Variants in SHCBP1L observed in about 807,000 individuals in gnomAD.
SHCBP1L encodes the protein testicular spindle-associated protein SHCBP1L.
In SHCBP1L, 67 loss-of-function variants were observed where a neutral mutation model predicts 62.5. The ratio of observed to expected loss-of-function variants is 1.07; its 90% CI spans 0.88 to 1.31. The LOEUF (loss-of-function observed/expected upper bound fraction) is 1.31, where lower values mean the gene tolerates loss of function less well. Ranked by LOEUF, SHCBP1L falls within the 40% of genes most tolerant of loss-of-function variation. SHCBP1L has a pLI of 0.00. For missense variants in SHCBP1L, 823 were observed against 809.8 expected (o/e 1.02, Z -0.20); for synonymous variants, 284 against 289.4 (o/e 0.98, Z 0.19).
At chr1:182,914,459 G>A (rs189901905) in intron 6 of SHCBP1L, among the ~76,000 whole-genome samples, 26 of 152,144 alleles carry the variant, frequency 1.7e-4, no homozygotes, top group African/African-American at 5.8e-4. Flanking sequence ...ATGCTAATGG[G>A]GAAACAATGT....
intron 1 of SHCBP1L, 98 bp downstream of exon 1, chr1:182,952,631 C>G: frequency 7.2e-7 from 1 of 1,394,312 alleles, no homozygotes; most frequent in Admixed American, 2.6e-5. Context: ...TCGTTGTGCC[C>G]TGTGGATCCC....
chr1:182,904,160 C>T lies in SHCBP1L; in HGVS notation c.1587+20G>A, dbSNP rs201291010. On this transcript the variant is annotated intron_variant, in intron 8 of 9. Transcript: ENST00000367547. The stretch of plus-strand genomic sequence containing the variant: ...TCATCTATAGTCATATAAGGCCATA[C>T]TTTTTAAAGAATGAAATACCTGGGC... 1.0e-4 allele frequency: 166 copies of T among 1,612,030 alleles called. No individual in the cohort carries two copies. In the Middle Eastern group the frequency reaches 1.8e-3, roughly 18 times the overall value.
chr1:182,923,720 C>T (rs75352431), intron 6 of SHCBP1L, among the ~76,000 whole-genome samples: 1 of 152,082 alleles, frequency 6.6e-6, no homozygotes, highest in Non-Finnish European at 1.5e-5. Context: ...ACAAGCTAGG[C>T]ACTTAAGGAA....
intron 6 of SHCBP1L, among the ~76,000 whole-genome samples, chr1:182,915,094 G>C (rs140490076): frequency 6.9e-6 from 1 of 144,196 alleles, no homozygotes; most frequent in Non-Finnish European, 1.5e-5. Context: ...CCTGGGAGGC[G>C]GAAGTTGCAG....
intron 6 of SHCBP1L, among the ~76,000 whole-genome samples, chr1:182,910,540 A>T (rs1432770906): frequency 1.3e-5 from 2 of 152,178 alleles, no homozygotes; most frequent in Non-Finnish European, 2.9e-5. Flanking sequence ...TGCCTAGCGC[A>T]AAGAACACAG....
Position 182,952,745 on chromosome 1 carries a change from A to C in SHCBP1L, c.389T>G (p.Val130Gly), listed in dbSNP as rs1370724836. 1 of 1,610,200 alleles carries C rather than the reference A, an allele frequency of 6.2e-7. No homozygotes were observed. Among genetic ancestry groups the C allele is most frequent in the Non-Finnish European group, 8.5e-7 (1 of 1,178,542 alleles). ...DEKVSLYCDEVLQDCKAEDAD... is the reference protein window; with the variant it reads ...DEKVSLYCDEGLQDCKAEDAD... ...TCCGCTCACCTTACAGTCCTGCAGC[A>C]CTTCGTCGCAATACAGCGACACCTT... The change falls in exon 1 of 10, where the codon GTG (valine) becomes GGG (glycine). Residue 130 changes from valine (V) to glycine (G), a missense_variant. Transcript: ENST00000367547.
Position 182,929,682 on chromosome 1 carries a change from T to TTA in SHCBP1L, c.1145_1146dup (p.Thr383Ter). The TTA allele has an allele frequency of 6.3e-7, 1 of 1,590,926 alleles. No homozygotes were observed. The highest frequency in any genetic ancestry group is 8.5e-7 in the Non-Finnish European group (1 of 1,173,880). ...GTCATCATTTTTGCTACAATATGTG[T>TTA]TATAGTCTTTCCAAATTCTCTTTTT... On this transcript the variant is annotated frameshift_variant, in exon 6 of 10. Transcript: ENST00000367547. LOFTEE classifies it high-confidence loss of function.
chr1:182,900,667 G>A (rs181489303), intron 9 of SHCBP1L, among the ~76,000 whole-genome samples: 447 of 152,196 alleles, frequency 2.9e-3, no homozygotes, highest in South Asian at 6.9e-3. Context: ...TCCTGACCTC[G>A]TGATCCACCC....
intron 2 of SHCBP1L, among the ~76,000 whole-genome samples, chr1:182,943,893 GTGGATCACCTGA>G (rs1470426445): frequency 9.2e-5 from 14 of 151,806 alleles, no homozygotes; most frequent in Admixed American, 8.5e-4. Flanking sequence ...GCCGAGGCGG[GTGGATCACCTGA>G]TGTCAGGAGT....
At chr1:182,952,596 A>G in intron 1 of SHCBP1L, 133 bp downstream of exon 1, 5 of 1,052,862 alleles carry the variant, frequency 4.7e-6, no homozygotes, top group Non-Finnish European at 6.7e-6. Flanking sequence ...TGTTGACTCC[A>G]TTTACTTTTT....
At chr1:182,927,102 A>G (rs1455045208) in intron 6 of SHCBP1L, among the ~76,000 whole-genome samples, 13 of 52,284 alleles carry the variant, frequency 2.5e-4, no homozygotes, top group Non-Finnish European at 3.8e-4. Context: ...ATATATATAT[A>G]TATATATATA....
At chr1:182,931,745 C>T (rs1651002524) in intron 5 of SHCBP1L, among the ~76,000 whole-genome samples, 1 of 152,180 alleles carries the variant, frequency 6.6e-6, no homozygotes, top group Non-Finnish European at 1.5e-5. Context: ...TCGTTACAAC[C>T]GATGAACCTA....
chr1:182,916,761 CAAAGA>C (rs1192230887), intron 6 of SHCBP1L, among the ~76,000 whole-genome samples: 1 of 152,076 alleles, frequency 6.6e-6, no homozygotes, highest in Non-Finnish European at 1.5e-5. Flanking sequence ...AATCTCCCAA[CAAAGA>C]AAAGTCCAAG....
intron 6 of SHCBP1L, among the ~76,000 whole-genome samples, chr1:182,928,063 A>C (rs1650840233): frequency 6.6e-6 from 1 of 152,222 alleles, no homozygotes; most frequent in Non-Finnish European, 1.5e-5. Context: ...AATAATCAAC[A>C]TGATTGAATA....
At chr1:182,942,302 G>C in intron 2 of SHCBP1L, 1 of 938,128 alleles carries the variant, frequency 1.1e-6, no homozygotes, top group Non-Finnish European at 1.8e-6. Context: ...TTTCGGCTTC[G>C]CTTCCACTGT....
In SHCBP1L at chr1:182,904,234, A is replaced by C; in HGVS notation, c.1533T>G (p.Cys511Trp). ...CILKCEGTGVCVLTGAALTIT... is the reference protein window; with the variant it reads ...CILKCEGTGVWVLTGAALTIT... ...TTGTCAAAGCAGCCCCTGTAAGAACACACACTCCTGTTCCTTCACATTTTA... is the reference window on the plus strand; with the variant it reads ...TTGTCAAAGCAGCCCCTGTAAGAACCCACACTCCTGTTCCTTCACATTTTA... The change falls in exon 8 of 10, where the codon TGT (cysteine) becomes TGG (tryptophan). Residue 511 changes from cysteine (C) to tryptophan (W), a missense_variant. Physicochemically the swap from Cys to Trp is radical, Grantham distance 215. Coordinates refer to ENST00000367547, the MANE Select transcript of SHCBP1L (RefSeq NM_030933.4). The C allele has an allele frequency of 1.9e-6, 3 of 1,614,168 alleles. No individual in the cohort carries two copies. The highest frequency in any genetic ancestry group is 2.5e-6 in the Non-Finnish European group (3 of 1,180,010).
chr1:182,938,681 C>A (rs1651256730), intron 5 of SHCBP1L, among the ~76,000 whole-genome samples: 1 of 151,998 alleles, frequency 6.6e-6, no homozygotes, highest in South Asian at 2.1e-4. Flanking sequence ...ATATGCTGCC[C>A]AAGGCTGGTC....
At chr1:182,902,132 G>A (rs1649862852) in intron 9 of SHCBP1L, among the ~76,000 whole-genome samples, 1 of 141,320 alleles carries the variant, frequency 7.1e-6, no homozygotes, top group Non-Finnish European at 1.5e-5. Flanking sequence ...GCACTGCAAC[G>A]TCCACCTCTC....
intron 6 of SHCBP1L, among the ~76,000 whole-genome samples, chr1:182,907,549 T>C (rs1255113113): frequency 6.6e-6 from 1 of 151,014 alleles, no homozygotes; most frequent in Non-Finnish European, 1.5e-5. Flanking sequence ...ATCATGCATA[T>C]ATCTTTCTTA....
Sources: gnomAD v4.1 joint callset for allele counts (sites outside exome capture counted in the v4.1 genomes callset) on GRCh38, gnomAD v4.1.1 for gene constraint, MANE v1.5 for transcripts, NCBI Gene and HGNC (gene_info 2026-07-23, HGNC 2026-07-21) for gene names.